ARHGEF11: variants seen among roughly 807,000 people sequenced by gnomAD.
The protein encoded by ARHGEF11 is Rho guanine exchange factor (GEF) 11.
In ARHGEF11, 55 loss-of-function variants were observed where a neutral mutation model predicts 193.7. The observed-to-expected ratio is 0.28, with a 90% CI of 0.23 to 0.36. The LOEUF is 0.36. Ranked by LOEUF, ARHGEF11 falls within the 10% of genes least tolerant of loss-of-function variation. The pLI is 1.00. For missense variants in ARHGEF11, 1,723 were observed against 2,005.6 expected, an observed-to-expected ratio of 0.86 and a Z score of 2.69; for synonymous variants, 693 against 768.0, an observed-to-expected ratio of 0.90 and a Z score of 1.62.
chr1:157,037,443 AC>A (rs1426398752), intron 1 of ARHGEF11, among the ~76,000 whole-genome samples: 1 of 151,892 alleles, frequency 6.6e-6, no homozygotes, highest in Admixed American at 6.6e-5. Context: ...TCCCTACCCT[AC>A]CCATCTTATC....
intron 1 of ARHGEF11, among the ~76,000 whole-genome samples, chr1:157,020,844 C>T (rs530340709): frequency 3.9e-5 from 6 of 152,094 alleles, no homozygotes; most frequent in East Asian, 1.9e-4. Flanking sequence ...ATGCTGATAT[C>T]GATAAAGCAA....
At chr1:156,950,522 C>T (rs1042656988) in intron 22 of ARHGEF11, among the ~76,000 whole-genome samples, 6 of 152,038 alleles carry the variant, frequency 3.9e-5, no homozygotes, top group African/African-American at 7.2e-5. Context: ...TGCCTGTATC[C>T]CTAGTTACTC....
intron 11 of ARHGEF11, chr1:156,963,802 G>A: frequency 7.1e-7 from 1 of 1,405,248 alleles, no homozygotes; most frequent in Non-Finnish European, 9.2e-7. Context: ...GGTGGGGCAG[G>A]GCAGATTCAG....
At chr1:156,944,161 C>T in intron 31 of ARHGEF11, 59 bp from the exon 32 acceptor site, 1 of 1,572,714 alleles carries the variant, frequency 6.4e-7, no homozygotes. Flanking sequence ...CTCATGAGCA[C>T]AATGCAGGGC....
chr1:156,962,870 C>T (rs541493515), intron 13 of ARHGEF11, among the ~76,000 whole-genome samples: 119 of 121,664 alleles, frequency 9.8e-4, no homozygotes, highest in African/African-American at 3.8e-3. Context: ...CAGTGCGAGA[C>T]TCCGTCTCAA....
At chr1:157,017,414 A>C (rs1476049724) in intron 1 of ARHGEF11, among the ~76,000 whole-genome samples, 1 of 152,216 alleles carries the variant, frequency 6.6e-6, no homozygotes, top group African/African-American at 2.4e-5. Context: ...GAATTAATAA[A>C]GAAATGGAGA....
Position 156,971,709 on chromosome 1 carries a change from A to G in ARHGEF11, c.690T>C (p.Thr230=), listed in dbSNP as rs200198601. The G allele has an allele frequency of 1.1e-4, 174 of 1,613,754 alleles. No individual in the cohort carries two copies. Among genetic ancestry groups the G allele is most frequent in the Non-Finnish European group, 1.4e-4 (162 of 1,179,968 alleles). Residue 230 remains threonine, a synonymous_variant, in exon 8 of 41, where the codon ACT becomes ACC. Transcript: ENST00000368194. ...CTACATCACTCACCACTGAGCCACC[A>G]GTCTCCTGCTGGATCTTCAGCTGTA... ...TQLQLKIQQE[T]GGSVDILPLY... is the part of the protein sequence containing the mutation.
chr1:157,013,295 A>ACACACACACACACACACACACACACC (rs1557952661), intron 1 of ARHGEF11, among the ~76,000 whole-genome samples: 8 of 149,814 alleles, frequency 5.3e-5, no homozygotes, highest in Admixed American at 1.3e-4. Context: ...ACACACACAC[A>ACACACACACACACACACACACACACC]CACACCAAGA....
intron 5 of ARHGEF11, 75 bp downstream of exon 5, chr1:156,979,154 G>T: frequency 1.4e-6 from 2 of 1,427,110 alleles, no homozygotes; most frequent in Non-Finnish European, 9.9e-7. Context: ...TGCCAGGCCT[G>T]ACCTTTCCTC....
At chr1:156,951,993 G>A (rs1659186552) in intron 21 of ARHGEF11, among the ~76,000 whole-genome samples, 1 of 151,748 alleles carries the variant, frequency 6.6e-6, no homozygotes, top group Admixed American at 6.6e-5. Flanking sequence ...TTATAATAAC[G>A]CTTCTGCTTG....
intron 32 of ARHGEF11, among the ~76,000 whole-genome samples, chr1:156,943,503 C>A (rs1001369520): frequency 1.3e-5 from 2 of 152,240 alleles, no homozygotes; most frequent in Non-Finnish European, 2.9e-5. Context: ...CACTACACTT[C>A]TCATTGAAAT....
chr1:156,957,944 C>T (rs1484686288), intron 17 of ARHGEF11, 129 bp from the exon 18 acceptor site: 6 of 800,342 alleles, frequency 7.5e-6, no homozygotes, highest in South Asian at 2.9e-5. Context: ...GAGAGAAGTA[C>T]GTCTGATGCA....
chr1:157,035,328 T>C (rs942226206), intron 1 of ARHGEF11, among the ~76,000 whole-genome samples: 4 of 151,988 alleles, frequency 2.6e-5, no homozygotes, highest in Non-Finnish European at 4.4e-5. Context: ...TTTAGGACAA[T>C]CTGGGGTCCC....
At chr1:156,990,699 TA>T (rs57485864) in intron 1 of ARHGEF11, among the ~76,000 whole-genome samples, 1 of 151,526 alleles carries the variant, frequency 6.6e-6, no homozygotes, top group Admixed American at 6.6e-5. Flanking sequence ...TATTACCCTT[TA>T]AAAAAAAAGT....
intron 1 of ARHGEF11, among the ~76,000 whole-genome samples, chr1:156,992,974 C>T (rs1482575908): frequency 2.0e-5 from 3 of 152,216 alleles, no homozygotes; most frequent in South Asian, 2.1e-4. Flanking sequence ...CTCACCCTTA[C>T]GCCTACCCCA....
At chr1:157,046,511 TC>T (rs1673341528), upstream of ARHGEF11, among the ~76,000 whole-genome samples, 1 of 152,204 alleles carries the variant, frequency 6.6e-6, no homozygotes, top group South Asian at 2.1e-4. Context: ...TGGTGTCAGT[TC>T]TTTTAACTGT....
rs1326367 is a variant in ARHGEF11 at position 157,021,736 on chromosome 1, A to G, written c.32+22563T>C. Among the ~76,000 whole-genome samples, 941 of 152,330 alleles carry G rather than the reference A, an allele frequency of 6.2e-3. 9 individuals are homozygous for G. Among genetic ancestry groups the G allele is most frequent in the African/African-American group, 0.021 (874 of 41,576 alleles). ...ACAACTTATGCCTCAGTTTCTTCATATGGACCCTAATCACATAGGGTTGTT... is the reference window on the plus strand; with the variant it reads ...ACAACTTATGCCTCAGTTTCTTCATGTGGACCCTAATCACATAGGGTTGTT... On this transcript the variant is annotated intron_variant, in intron 1 of 40. Coordinates refer to ENST00000368194, the MANE Select transcript of ARHGEF11 (RefSeq NM_198236.3).
Position 156,941,898 on chromosome 1 carries a change from G to A in ARHGEF11, c.3418C>T (p.Arg1140Trp), listed in dbSNP as rs1288237514. Reference protein sequence around the residue: ...MPVHPPPPGPREPAQQGPTPS... With the variant: ...MPVHPPPPGPWEPAQQGPTPS... ...GTGGGGCCCTGCTGGGCTGGCTCCC[G>A]GGGACCTGGGGGTGGAGGATGGACG... is the stretch of plus-strand genomic sequence containing the variant. Residue 1140 changes from arginine (R) to tryptophan (W), a missense_variant, in exon 34 of 41, where the codon CGG becomes TGG. This residue lies in a region of ARHGEF11 where 203 missense variants were observed against 237.3 expected (regional missense o/e 0.86). Coordinates refer to ENST00000368194, the MANE Select transcript of ARHGEF11 (RefSeq NM_198236.3). 7.4e-6 allele frequency: 12 copies of A among 1,613,092 alleles called. No homozygotes were observed. Among genetic ancestry groups the A allele is most frequent in the South Asian group, 2.2e-5 (2 of 90,954 alleles).
At chr1:157,026,031 C>G (rs551146351) in intron 1 of ARHGEF11, among the ~76,000 whole-genome samples, 2 of 152,312 alleles carry the variant, frequency 1.3e-5, no homozygotes, top group African/African-American at 4.8e-5. Flanking sequence ...TGCAACAGCA[C>G]CCTAACTACA....
Sources: gnomAD v4.1 joint callset for allele counts (sites outside exome capture counted in the v4.1 genomes callset) on GRCh38, gnomAD v4.1.1 for gene constraint, gnomAD v4.1.1 regional missense constraint, MANE v1.5 for transcripts, NCBI Gene and HGNC (gene_info 2026-07-23, HGNC 2026-07-21) for gene names.